KIAA1217: variants seen among roughly 807,000 people sequenced by gnomAD.
The protein encoded by KIAA1217 is KIAA1217, also known as sickle tail protein homolog.
Under a neutral mutation model 163.9 loss-of-function variants are expected in KIAA1217, and 88 were observed. That is an observed-to-expected ratio of 0.54 (90% CI 0.45 to 0.64). KIAA1217 has a LOEUF of 0.64. KIAA1217 is among the 30% of genes least tolerant of loss of function. KIAA1217 has a pLI of 0.00. For synonymous variants in KIAA1217, 903 were observed against 923.1 expected, an observed-to-expected ratio of 0.98 and a Z score of 0.39; for missense variants, 2,372 against 2,475.0, an observed-to-expected ratio of 0.96 and a Z score of 0.88.
In KIAA1217 at chr10:24,513,285, A is replaced by C; in HGVS notation, c.2028A>C (p.Ala676=). The change falls in exon 10 of 21, where the codon GCA becomes GCC. Residue 676 remains alanine (A), a synonymous_variant. Coordinates refer to ENST00000376454, the MANE Select transcript of KIAA1217 (RefSeq NM_019590.5). ...TGCAGAACCAGGAGTTGCTGAGGGC[A>C]ATGATGAAGAAGGCCGAGCTGGAAA... ...LQLQNQELLR[A]MMKKAELEIS... The C allele has an allele frequency of 6.2e-7, 1 of 1,614,162 alleles. No homozygotes were observed. The highest frequency in any genetic ancestry group is 8.5e-7 in the Non-Finnish European group (1 of 1,180,014).
chr10:24,255,047 G>A (rs2074996727), intron 2 of KIAA1217, among the ~76,000 whole-genome samples: 2 of 152,028 alleles, frequency 1.3e-5, no homozygotes, highest in African/African-American at 4.8e-5. Context: ...TAGACACAGG[G>A]TTTCACCATG....
chr10:24,523,015 C>T (rs151283524), intron 12 of KIAA1217, among the ~76,000 whole-genome samples: 70 of 151,100 alleles, frequency 4.6e-4, no homozygotes, highest in African/African-American at 1.7e-3. Flanking sequence ...TCACTGGGTG[C>T]AGTGGCACGT....
chr10:23,938,672 A>C (rs1487197758), intron 1 of KIAA1217, among the ~76,000 whole-genome samples: 1 of 151,484 alleles, frequency 6.6e-6, no homozygotes, highest in African/African-American at 2.4e-5. Flanking sequence ...TTTAGAGTAA[A>C]AAAAAAAAGG....
intron 1 of KIAA1217, among the ~76,000 whole-genome samples, chr10:23,918,731 T>TACACAC (rs200464517): frequency 1.7e-4 from 24 of 137,912 alleles, no homozygotes; most frequent in African/African-American, 5.9e-4. Context: ...GAATTAAATA[T>TACACAC]ATACACACAC....
chr10:23,711,667 C>A (rs1837265029), intron 1 of KIAA1217, among the ~76,000 whole-genome samples: 1 of 152,176 alleles, frequency 6.6e-6, no homozygotes, highest in South Asian at 2.1e-4. Context: ...AAAGGAGAAC[C>A]TTCTGGGTGT....
In KIAA1217 at chr10:23,865,601, C is replaced by CT. The variant is rs140696455; in HGVS notation, c.-320-141615dup. On this transcript the variant is annotated intron_variant, in intron 1 of 18. Transcript: ENST00000376462. The stretch of plus-strand genomic sequence containing the variant: ...AACTTCCTTTTATAATCCAAACTGC[C>CT]TTTTTTTTTATAGCTTTAGAGGTGC... 9.9e-3 allele frequency among the ~76,000 whole-genome samples: 1,492 copies of CT among 151,014 alleles called. 8 individuals carry two copies. Among genetic ancestry groups the CT allele is most frequent in the African/African-American group, 0.018 (738 of 41,214 alleles).
At chr10:24,128,211 T>C (rs2131799554) in intron 2 of KIAA1217, among the ~76,000 whole-genome samples, 1 of 152,328 alleles carries the variant, frequency 6.6e-6, no homozygotes, top group East Asian at 1.9e-4. Context: ...TGGTTTACAA[T>C]GGCAATAATC....
intron 1 of KIAA1217, among the ~76,000 whole-genome samples, chr10:23,885,791 C>T (rs1209798565): frequency 2.0e-5 from 3 of 151,946 alleles, no homozygotes; most frequent in African/African-American, 4.8e-5. Flanking sequence ...TGGAAATAAA[C>T]TTCTCACCCC....
intron 1 of KIAA1217, among the ~76,000 whole-genome samples, chr10:23,883,523 G>A (rs1841042658): frequency 6.6e-6 from 1 of 151,852 alleles, no homozygotes; most frequent in Admixed American, 6.6e-5. Flanking sequence ...AGGGTACAGA[G>A]CCTTCACATA....
chr10:24,489,928 C>T (rs1368933190), intron 6 of KIAA1217, among the ~76,000 whole-genome samples: 19 of 132,528 alleles, frequency 1.4e-4, no homozygotes, highest in Admixed American at 1.4e-3. Flanking sequence ...ATCCCCTAAA[C>T]ACAGATTCTT....
chr10:24,512,481 C>G (rs910221647), intron 9 of KIAA1217, among the ~76,000 whole-genome samples: 31 of 152,286 alleles, frequency 2.0e-4, no homozygotes, highest in African/African-American at 7.0e-4. Context: ...AAAGCTCCCA[C>G]CTCCTATATT....
chr10:24,042,857 G>A (rs1418710014), intron 2 of KIAA1217, among the ~76,000 whole-genome samples: 1 of 152,100 alleles, frequency 6.6e-6, no homozygotes, highest in African/African-American at 2.4e-5. Flanking sequence ...AAAAAAAGAA[G>A]GAAATTGCTC....
intron 1 of KIAA1217, among the ~76,000 whole-genome samples, chr10:23,696,375 A>G (rs945939399): frequency 6.6e-6 from 1 of 152,224 alleles, no homozygotes; most frequent in African/African-American, 2.4e-5. Context: ...CTTCTCCGAG[A>G]GTAGGAGTTT....
intron 2 of KIAA1217, among the ~76,000 whole-genome samples, chr10:24,038,447 C>T (rs556695529): frequency 7.0e-4 from 107 of 152,282 alleles, no homozygotes; most frequent in Middle Eastern, 3.4e-3. Flanking sequence ...GTCACTGAAA[C>T]ACTGATTAGG....
chr10:24,350,335 C>T (rs1170040266), intron 2 of KIAA1217, among the ~76,000 whole-genome samples: 9 of 152,166 alleles, frequency 5.9e-5, no homozygotes, highest in South Asian at 2.1e-4. Flanking sequence ...GTAGCCTTTA[C>T]GAAATTAGGA....
intron 2 of KIAA1217, among the ~76,000 whole-genome samples, chr10:24,096,413 CAGT>C (rs2062164546): frequency 1.3e-5 from 2 of 152,210 alleles, no homozygotes; most frequent in African/African-American, 2.4e-5. Flanking sequence ...TTTAGTCACC[CAGT>C]AGGCTCTTAT....
chr10:24,319,040 G>A (rs925726580), intron 2 of KIAA1217, among the ~76,000 whole-genome samples: 6 of 152,312 alleles, frequency 3.9e-5, no homozygotes, highest in African/African-American at 1.4e-4. Context: ...GGTGGAGACA[G>A]CAGAGAAGAG....
chr10:23,704,279 T>C (rs569042692), intron 1 of KIAA1217, among the ~76,000 whole-genome samples: 239 of 146,210 alleles, frequency 1.6e-3, no homozygotes, highest in African/African-American at 4.7e-3. Context: ...CTTTCTTTTT[T>C]AAAAAACAGC....
chr10:23,712,191 T>C (rs1248992710), intron 1 of KIAA1217, among the ~76,000 whole-genome samples: 1 of 152,092 alleles, frequency 6.6e-6, no homozygotes, highest in Non-Finnish European at 1.5e-5. Flanking sequence ...GAGAAAATTA[T>C]GGTAGAAGTT....
Sources: allele counts gnomAD v4.1 joint callset (sites outside exome capture counted in the v4.1 genomes callset), GRCh38; gene constraint gnomAD v4.1.1; transcripts MANE v1.5; gene names NCBI Gene and HGNC (gene_info 2026-07-23, HGNC 2026-07-21).